The following PLEKHG4 variants were observed in gnomAD, a reference collection of about 807,000 sequenced individuals.
PLEKHG4 encodes the protein puratrophin-1.
In PLEKHG4, 85 loss-of-function variants were observed where a neutral mutation model predicts 136.9. The ratio of observed to expected loss-of-function variants is 0.62; its 90% CI spans 0.52 to 0.74. PLEKHG4 has a LOEUF of 0.74. PLEKHG4 is among the 30% of genes least tolerant of loss of function. The pLI, the probability that PLEKHG4 is intolerant of heterozygous loss-of-function variation, is 0.00. For missense variants in PLEKHG4, 1,317 were observed against 1,527.8 expected, an observed-to-expected ratio of 0.86 and a Z score of 2.30; for synonymous variants, 577 against 646.9, an observed-to-expected ratio of 0.89 and a Z score of 1.64.
chr16:67,282,934 A>G, intron 11 of PLEKHG4, 76 bp downstream of exon 11: 1 of 1,051,874 alleles, frequency 9.5e-7, no homozygotes, highest in Non-Finnish European at 1.5e-6. Context: ...ACTGTGTGAA[A>G]GCAATTCAAT....
In PLEKHG4 at chr16:67,280,663, C is replaced by T. The variant is rs1266788279; in HGVS notation, c.500-48C>T. Reference sequence around the variant, plus strand: ...CTGAAGCCCGGGTCCAAGTAGGGGTCTCTGGATAGGTGGTCCAAGGCAGAC... The same window carrying T: ...CTGAAGCCCGGGTCCAAGTAGGGGTTTCTGGATAGGTGGTCCAAGGCAGAC... On this transcript the variant is annotated intron_variant, in intron 2 of 21. Transcript: ENST00000379344. The surrounding 1 kb of genome is among the most constrained non-coding windows in gnomAD (Gnocchi z 4.4). 2 of 1,613,256 alleles carry T rather than the reference C, an allele frequency of 1.2e-6. No homozygotes were observed. Among genetic ancestry groups the T allele is most frequent in the South Asian group, 1.1e-5 (1 of 91,060 alleles).
chr16:67,280,267 G>A lies in PLEKHG4; in HGVS notation c.223G>A (p.Ala75Thr). 1 of 1,613,894 alleles carries A rather than the reference G, an allele frequency of 6.2e-7. No individual in the cohort carries two copies. Among genetic ancestry groups the A allele is most frequent in the Non-Finnish European group, 8.5e-7 (1 of 1,179,988 alleles). ...GTCCAGGAAATTCCAGTTACCCCCA[G>A]CTGCAGATGAGTCGGGGGATGCCCA... Reference protein sequence around the residue: ...PLSRKFQLPPAADESGDAQRG... With the variant: ...PLSRKFQLPPTADESGDAQRG... Residue 75 changes from alanine to threonine, a missense_variant, in exon 2 of 22, where the codon GCT (alanine) becomes ACT (threonine). Ala to Thr is a moderately conservative substitution (Grantham distance 58, BLOSUM62 0). Transcript: ENST00000379344. The surrounding 1 kb of genome is among the most constrained non-coding windows in gnomAD (Gnocchi z 4.4).
At chr16:67,279,711 A>C in intron 1 of PLEKHG4, 85 bp downstream of exon 1, 1 of 252,386 alleles carries the variant, frequency 4.0e-6, no homozygotes, top group Non-Finnish European at 7.7e-6. Flanking sequence ...AGGAGAGCGA[A>C]CCCGAGGCAT....
In PLEKHG4 at chr16:67,285,447, C is replaced by G. The variant is rs753691541; in HGVS notation, c.2353C>G (p.Leu785Val). 6.2e-7 allele frequency: 1 copy of G among 1,614,170 alleles called. No homozygotes were observed. Among genetic ancestry groups the G allele is most frequent in the South Asian group, 1.1e-5 (1 of 91,090 alleles). The change falls in exon 14 of 22, where the codon CTG becomes GTG. Residue 785 changes from leucine to valine, a missense_variant. Physicochemically the swap from Leu to Val is conservative, Grantham distance 32. Coordinates refer to ENST00000379344, the MANE Select transcript of PLEKHG4 (RefSeq NM_001129729.3). Reference sequence around the variant, plus strand: ...CCACCTCTTTGGCAACCTGGAGAAGCTGCGGGACTTCCACTGCCACTTCTT... The same window carrying G: ...CCACCTCTTTGGCAACCTGGAGAAGGTGCGGGACTTCCACTGCCACTTCTT... The part of the protein sequence containing the change: ...RAHLFGNLEK[L>V]RDFHCHFFLR...
rs2036513180 is a variant in PLEKHG4, at chr16:67,287,140, C to T, written c.3066C>T (p.Ile1022=). ...LAIKQAWTAD[I]SHLLWRQAVH... is the part of the protein sequence containing the mutation. ...TCAAGCAGGCCTGGACAGCTGACAT[C>T]TCCCACCTGCTTTGGAGGCAGGCCG... is the stretch of plus-strand genomic sequence containing the variant. Residue 1022 remains isoleucine, a synonymous_variant, in exon 18 of 22, where the codon ATC becomes ATT. Coordinates refer to ENST00000379344, the MANE Select transcript of PLEKHG4 (RefSeq NM_001129729.3). The T allele has an allele frequency of 6.2e-7, 1 of 1,610,912 alleles. No individual in the cohort carries two copies. The highest frequency in any genetic ancestry group is 8.5e-7 in the Non-Finnish European group (1 of 1,180,026).
intron 18 of PLEKHG4, chr16:67,287,679 C>A (rs2036539573): frequency 1.6e-6 from 1 of 617,084 alleles, no homozygotes; most frequent in East Asian, 2.9e-5. Flanking sequence ...AGGCGTGAGC[C>A]ACTGCGCCCA....
upstream of PLEKHG4, chr16:67,279,362 CG>C: frequency 6.6e-6 from 1 of 152,082 alleles, no homozygotes; most frequent in South Asian, 1.9e-4. Context: ...CGGCGGCGGG[CG>C]GGGGTTGCTG....
intron 7 of PLEKHG4, 68 bp from the exon 8 acceptor site, chr16:67,281,941 G>A: frequency 6.5e-7 from 1 of 1,545,704 alleles, no homozygotes; most frequent in Non-Finnish European, 8.9e-7. Flanking sequence ...GGCTGCAGTG[G>A]CCTGGAACCC....
At position 67,284,859 on chromosome 16, in the gene PLEKHG4, C is replaced by G. The variant is rs1487294672; in HGVS notation, c.1839C>G (p.Ala613=). 6.2e-7 allele frequency: 1 copy of G among 1,613,070 alleles called. No individual in the cohort carries two copies. The highest frequency in any genetic ancestry group is 1.1e-5 in the South Asian group (1 of 91,018). ...ACTTCCGAAAGATGTGGGCTCTGGC[C>G]ACGGGGCTGGGCTCAGAGGCCATCC... ...PAHFRKMWAL[A]TGLGSEAIRQ... is the part of the protein sequence containing the mutation. Residue 613 remains alanine, a synonymous_variant, in exon 13 of 22, where the codon GCC becomes GCG. Transcript: ENST00000379344. The surrounding 1 kb of genome is among the most constrained non-coding windows in gnomAD (Gnocchi z 4.4).
rs559665339 is a variant in PLEKHG4, at chr16:67,283,879, G to T, written c.1510-396G>T. Among the ~76,000 whole-genome samples, 121 of 152,044 alleles carry T rather than the reference G, an allele frequency of 8.0e-4. 1 individual carries two copies. Among genetic ancestry groups the T allele is most frequent in the Non-Finnish European group, 1.2e-3 (79 of 67,998 alleles). ...TCCTCAGGATCCCCAGTGTTTAATG[G>T]CCTAGGTGAGGGAAGGGGAGCAGGA... On this transcript the variant is annotated intron_variant, in intron 11 of 21. Coordinates refer to ENST00000379344, the MANE Select transcript of PLEKHG4 (RefSeq NM_001129729.3).
Position 67,286,321 on chromosome 16 carries a change from C to T in PLEKHG4, c.2490C>T (p.Arg830=), listed in dbSNP as rs546322128. Reference sequence around the variant, plus strand: ...CGCTCTACAGCAAGAATAAGCCTCGCTCCGATGCCCTGATGTCAAGCTATG... The same window carrying T: ...CGCTCTACAGCAAGAATAAGCCTCGTTCCGATGCCCTGATGTCAAGCTATG... ...MYALYSKNKP[R]SDALMSSYGH... Residue 830 remains arginine, a synonymous_variant, in exon 15 of 22, where the codon CGC becomes CGT. Transcript: ENST00000379344. 6.2e-7 allele frequency: 1 copy of T among 1,614,000 alleles called. No homozygotes were observed. Among genetic ancestry groups the T allele is most frequent in the African/African-American group, 1.3e-5 (1 of 75,030 alleles).
Position 67,285,051 on chromosome 16 carries a change from CT to C in PLEKHG4, c.2033del (p.Phe678SerfsTer74). 2 of 1,613,600 alleles carry C rather than the reference CT, an allele frequency of 1.2e-6. No homozygotes were observed. Among genetic ancestry groups the C allele is most frequent in the Non-Finnish European group, 1.7e-6 (2 of 1,180,018 alleles). The stretch of plus-strand genomic sequence containing the variant: ...ACCCTCCCCTGAGGAAGGCCTACAG[CT>C]TCGATCGGAATCTGGGGCAGAGTCT... ...AHPPLRKAYS[F>X]DRNLGQSLSE... On this transcript the variant is annotated frameshift_variant, in exon 13 of 22. Coordinates refer to ENST00000379344, the MANE Select transcript of PLEKHG4 (RefSeq NM_001129729.3). LOFTEE classifies it high-confidence loss of function.
In PLEKHG4 at chr16:67,289,340, C is replaced by T. The variant is rs1339828194; in HGVS notation, c.*532C>T. On this transcript the variant is annotated 3_prime_UTR_variant, in exon 22 of 22. Transcript: ENST00000379344. ...GCAGTTTCGTTATTTTGACTTGATGCCTTTTGAATAACTTTCAATAGAATT... is the reference window on the plus strand; with the variant it reads ...GCAGTTTCGTTATTTTGACTTGATGTCTTTTGAATAACTTTCAATAGAATT... 7 of 481,040 alleles carry T rather than the reference C, an allele frequency of 1.5e-5. No individual in the cohort carries two copies. Among genetic ancestry groups the T allele is most frequent in the Admixed American group, 3.8e-5 (1 of 26,524 alleles). 29.8% of individuals were successfully genotyped at this position (481,040 alleles called of 1,614,324 possible).
Position 67,285,302 on chromosome 16 carries a change from G to C in PLEKHG4, c.2208G>C (p.Val736=). The change falls in exon 14 of 22, where the codon GTG becomes GTC. Residue 736 remains valine, a synonymous_variant. Transcript: ENST00000379344. ...DPRSLNRLQL[V]LAEMVATERE... ...CCATACCTGGTAGGCTACAGCTGGT[G>C]CTGGCAGAGATGGTGGCCACGGAGC... 6.2e-7 allele frequency: 1 copy of C among 1,614,104 alleles called. No homozygotes were observed. Among genetic ancestry groups the C allele is most frequent in the Non-Finnish European group, 8.5e-7 (1 of 1,180,036 alleles).
At chr16:67,288,441 G>A (rs1014133735) in intron 20 of PLEKHG4, 41 bp downstream of exon 20, 13 of 1,613,608 alleles carry the variant, frequency 8.1e-6, no homozygotes, top group Admixed American at 3.3e-5. Context: ...GCATGGCTTG[G>A]GGTCTGGGGC....
chr16:67,288,672 G>C (rs1597389143), intron 21 of PLEKHG4, 68 bp downstream of exon 21: 1 of 1,604,134 alleles, frequency 6.2e-7, no homozygotes, highest in East Asian at 2.2e-5. Flanking sequence ...ACTGTGACCA[G>C]CCCCTCCCCA....
chr16:67,281,543 GT>G, intron 5 of PLEKHG4, 23 bp from the exon 6 acceptor site: 1 of 1,604,120 alleles, frequency 6.2e-7, no homozygotes, highest in African/African-American at 1.3e-5. Flanking sequence ...GTTGGGGATA[GT>G]GCTGAGCTCA....
chr16:67,280,366 C>T lies in PLEKHG4; in HGVS notation c.322C>T (p.Pro108Ser). ...CTCTGGAGTGGAGAGTCTCCTATGC[C>T]CCATGTCCTCCCACCTCAGCTTGGC... ...GPSGVESLLCPMSSHLSLAQG... is the reference protein window; with the variant it reads ...GPSGVESLLCSMSSHLSLAQG... The change falls in exon 2 of 22, where the codon CCC becomes TCC. Residue 108 changes from proline (P) to serine (S), a missense_variant. Coordinates refer to ENST00000379344, the MANE Select transcript of PLEKHG4 (RefSeq NM_001129729.3). This position sits in a 1 kb window ranked among gnomAD's most constrained non-coding sequence, Gnocchi z 4.4. 4 of 1,612,910 alleles carry T rather than the reference C, an allele frequency of 2.5e-6. No homozygotes were observed. The highest frequency in any genetic ancestry group is 3.4e-6 in the Non-Finnish European group (4 of 1,179,412).
chr16:67,284,478 C>T lies in PLEKHG4; in HGVS notation c.1692+21C>T. The stretch of plus-strand genomic sequence containing the variant: ...GGGAGGTGGGTGAGAGTCTCCCCAG[C>T]TCCAAGTGATCCATGAGGCCGGAGG... On this transcript the variant is annotated intron_variant, in intron 12 of 21. Transcript: ENST00000379344. This position sits in a 1 kb window ranked among gnomAD's most constrained non-coding sequence, Gnocchi z 4.4. The T allele has an allele frequency of 6.2e-7, 1 of 1,611,882 alleles. No individual in the cohort carries two copies. The highest frequency in any genetic ancestry group is 8.5e-7 in the Non-Finnish European group (1 of 1,178,394).
Sources: allele counts gnomAD v4.1 joint callset (sites outside exome capture counted in the v4.1 genomes callset), GRCh38; gene constraint gnomAD v4.1.1; non-coding constraint Gnocchi (gnomAD v3.1); transcripts MANE v1.5; gene names NCBI Gene and HGNC (gene_info 2026-07-23, HGNC 2026-07-21).